PHF20: variants seen among roughly 807,000 people sequenced by gnomAD.
The protein encoded by PHF20 is glioma-expressed antigen 2.
PHF20 carries 23 observed loss-of-function variants against 113.5 expected under a neutral mutation model. The ratio of observed to expected loss-of-function variants is 0.20; its 90% CI spans 0.15 to 0.29. The LOEUF (loss-of-function observed/expected upper bound fraction) is 0.29, where lower values mean the gene tolerates loss of function less well. Ranked by LOEUF, PHF20 falls within the 10% of genes least tolerant of loss-of-function variation. The pLI is 1.00. For synonymous variants in PHF20, 434 were observed against 457.3 expected (o/e 0.95, Z 0.65); for missense variants, 943 against 1,219.6 (o/e 0.77, Z 3.38).
In PHF20 at chr20:35,909,601, TG is replaced by T. The variant is rs1187562090; in HGVS notation, c.1562-3646del. ...CTGCTGTCTTTGGGCCTTGGGTTTTTGGTTTTAAAAATGAGTGCTTTTACAA... is the reference window on the plus strand; with the variant it reads ...CTGCTGTCTTTGGGCCTTGGGTTTTTGTTTTAAAAATGAGTGCTTTTACAA... On this transcript the variant is annotated intron_variant, in intron 10 of 17. Coordinates refer to ENST00000374012, the MANE Select transcript of PHF20 (RefSeq NM_016436.5). Among the ~76,000 whole-genome samples, 3 of 152,342 alleles carry T rather than the reference TG, an allele frequency of 2.0e-5. No homozygotes were observed. The East Asian group carries it at 5.8e-4, about 29-fold the overall frequency.
chr20:35,906,424 C>T (rs187111246), intron 10 of PHF20, among the ~76,000 whole-genome samples: 109 of 152,092 alleles, frequency 7.2e-4, no homozygotes, highest in Admixed American at 2.0e-3. Flanking sequence ...TGAAGGTCCC[C>T]GGGCCTTGCT....
intron 4 of PHF20, among the ~76,000 whole-genome samples, chr20:35,852,449 T>G (rs576591296): frequency 6.6e-6 from 1 of 151,962 alleles, no homozygotes; most frequent in East Asian, 1.9e-4. Context: ...AAAGAGGGAG[T>G]GGGAATAGAT....
chr20:35,791,860 A>G lies in PHF20; in HGVS notation c.-32-9631A>G, dbSNP rs140965004. The stretch of plus-strand genomic sequence containing the variant: ...AGTGCCCATGTTTCTAGTTTGGCAC[A>G]CTTGCCAATCTTGAGGGCTTATTTG... On this transcript the variant is annotated intron_variant, in intron 1 of 17. Transcript: ENST00000374012. 6.1e-3 allele frequency among the ~76,000 whole-genome samples: 922 copies of G among 152,240 alleles called. 13 individuals are homozygous for G. The highest frequency in any genetic ancestry group is 0.021 in the African/African-American group (873 of 41,578).
intron 2 of PHF20, among the ~76,000 whole-genome samples, chr20:35,818,077 A>G (rs1324672682): frequency 6.6e-6 from 1 of 152,070 alleles, no homozygotes. Context: ...TGAGTTCAGG[A>G]GTTCGAGACC....
At position 35,847,347 on chromosome 20, in the gene PHF20, TAGGA is replaced by T. The variant is rs1600819466; in HGVS notation, c.256-1_258del. The T allele has an allele frequency of 2.1e-5, 33 of 1,594,292 alleles. No homozygotes were observed. The highest frequency in any genetic ancestry group is 8.0e-5 in the South Asian group (7 of 87,856). ...ATCTTTTTTTTTTTTTTATGTTTTT[TAGGA>T]ATTTCAAATAAATGAGCAGGTCCTT... is the stretch of plus-strand genomic sequence containing the variant. On this transcript the variant is annotated splice_acceptor_variant and coding_sequence_variant, in exon 4 of 18. Coordinates refer to ENST00000374012, the MANE Select transcript of PHF20 (RefSeq NM_016436.5). LOFTEE classifies it high-confidence loss of function.
At chr20:35,897,559 C>CT (rs150122625) in intron 9 of PHF20, among the ~76,000 whole-genome samples, 6,847 of 107,702 alleles carry the variant, frequency 0.064, 408 homozygotes, top group South Asian at 0.15. Flanking sequence ...TTCTGGATCC[C>CT]TTTTTTTTTT....
chr20:35,815,399 G>A (rs2042054616), intron 2 of PHF20, among the ~76,000 whole-genome samples: 1 of 151,980 alleles, frequency 6.6e-6, no homozygotes, highest in African/African-American at 2.4e-5. Flanking sequence ...CCATTATGAC[G>A]AATCCATGTC....
intron 2 of PHF20, among the ~76,000 whole-genome samples, chr20:35,826,192 C>G (rs564346478): frequency 7.2e-5 from 11 of 152,158 alleles, no homozygotes; most frequent in East Asian, 5.8e-4. Context: ...TACAGGTGCC[C>G]GCCACCACAC....
intron 3 of PHF20, among the ~76,000 whole-genome samples, chr20:35,843,252 G>T (rs763529566): frequency 6.6e-6 from 1 of 151,610 alleles, no homozygotes; most frequent in Non-Finnish European, 1.5e-5. Context: ...AGGCGTGGTG[G>T]CTCACACCTG....
intron 2 of PHF20, among the ~76,000 whole-genome samples, chr20:35,817,094 GTGT>G (rs1423503141): frequency 8.6e-5 from 13 of 150,548 alleles, no homozygotes; most frequent in South Asian, 2.1e-4. Context: ...CTGGCCATAA[GTGT>G]TGTTGTTGTT....
intron 1 of PHF20, among the ~76,000 whole-genome samples, chr20:35,777,282 G>GT (rs1018083161): frequency 3.3e-5 from 5 of 152,134 alleles, no homozygotes; most frequent in Non-Finnish European, 5.9e-5. Flanking sequence ...CCACAGCTTT[G>GT]TTTTTTGGTT....
intron 15 of PHF20, among the ~76,000 whole-genome samples, chr20:35,933,545 T>C (rs532702595): frequency 1.3e-5 from 2 of 152,032 alleles, no homozygotes; most frequent in South Asian, 2.1e-4. Context: ...TACAGGCGCC[T>C]GCCACCACGC....
intron 5 of PHF20, among the ~76,000 whole-genome samples, chr20:35,862,128 C>T (rs933389105): frequency 4.6e-5 from 7 of 152,116 alleles, no homozygotes; most frequent in South Asian, 2.1e-4. Context: ...AACTAAGAAG[C>T]GGTATTTCCT....
In PHF20 at chr20:35,917,632, G is replaced by A. The variant is rs189551926; in HGVS notation, c.1974G>A (p.Glu658=). ...YDFEVVRCIC[E]VQEENDFMIQ... is the part of the protein sequence containing the mutation. ...TCGAGGTGGTCCGCTGCATCTGTGA[G>A]GTCCAGGAGGAAAATGACTTCATGA... The change falls in exon 13 of 18, where the codon GAG becomes GAA. Residue 658 remains glutamate (E), a synonymous_variant. Coordinates refer to ENST00000374012, the MANE Select transcript of PHF20 (RefSeq NM_016436.5). 8.7e-6 allele frequency: 14 copies of A among 1,613,992 alleles called. No individual in the cohort carries two copies. The Admixed American group carries it at 1.7e-4, about 19-fold the overall frequency.
intron 2 of PHF20, among the ~76,000 whole-genome samples, chr20:35,834,999 G>A (rs1210784483): frequency 4.6e-5 from 7 of 152,084 alleles, no homozygotes; most frequent in Admixed American, 2.0e-4. Flanking sequence ...GTAGGAGGCC[G>A]GGTGTGGTGG....
intron 13 of PHF20, among the ~76,000 whole-genome samples, chr20:35,927,458 T>A (rs745479078): frequency 6.6e-6 from 1 of 152,226 alleles, no homozygotes; most frequent in Non-Finnish European, 1.5e-5. Flanking sequence ...AGAACTAACC[T>A]GTGCAAAGTC....
chr20:35,899,946 ACT>A (rs2055063709), intron 10 of PHF20, among the ~76,000 whole-genome samples: 1 of 152,092 alleles, frequency 6.6e-6, no homozygotes, highest in South Asian at 2.1e-4. Flanking sequence ...CAGCAGGAGA[ACT>A]CGTGCTCAGA....
chr20:35,787,164 TATTTATTTA>T (rs1399711487), intron 1 of PHF20, among the ~76,000 whole-genome samples: 1 of 123,430 alleles, frequency 8.1e-6, no homozygotes, highest in Non-Finnish European at 1.7e-5. Flanking sequence ...GCTAATTATT[TATTTATTTA>T]TTTATTTATT....
intron 12 of PHF20, among the ~76,000 whole-genome samples, chr20:35,914,692 C>T (rs1026984293): frequency 2.6e-5 from 4 of 152,000 alleles, no homozygotes; most frequent in African/African-American, 4.8e-5. Flanking sequence ...TGGCCAGGCG[C>T]GGTGGCTCAC....
Sources: gnomAD v4.1 joint callset for allele counts (sites outside exome capture counted in the v4.1 genomes callset) on GRCh38, gnomAD v4.1.1 for gene constraint, MANE v1.5 for transcripts, NCBI Gene and HGNC (gene_info 2026-07-23, HGNC 2026-07-21) for gene names.